WSB2: variants seen among roughly 807,000 people sequenced by gnomAD.
WSB2 encodes the protein WD repeat and SOCS box containing 2, also known as WD repeat and SOCS box-containing protein 2.
In WSB2, 12 loss-of-function variants were observed where a neutral mutation model predicts 48.8. That is an observed-to-expected ratio of 0.25 (90% CI 0.16 to 0.40). WSB2 has a LOEUF of 0.40. Ranked by LOEUF, WSB2 falls within the 10% of genes least tolerant of loss-of-function variation. WSB2 has a pLI of 1.00. For synonymous variants in WSB2, 191 were observed against 203.1 expected (o/e 0.94, Z 0.51); for missense variants, 317 against 506.2 (o/e 0.63, Z 3.59).
intron 2 of WSB2, among the ~76,000 whole-genome samples, chr12:118,044,304 T>C (rs756982128): frequency 3.9e-5 from 6 of 152,094 alleles, no homozygotes; most frequent in Non-Finnish European, 7.4e-5. Flanking sequence ...ACACTCAGTT[T>C]TTCCCATGAG....
chr12:118,036,662 G>A (rs1359692687), intron 5 of WSB2, 152 bp from the exon 6 acceptor site: 16 of 819,274 alleles, frequency 2.0e-5, no homozygotes, highest in South Asian at 9.7e-5. Context: ...AACGTGTGGT[G>A]TAGGTTTAAA....
chr12:118,060,784 G>T lies in WSB2; in HGVS notation c.13+252C>A, dbSNP rs569794123. On this transcript the variant is annotated intron_variant, in intron 1 of 8. Coordinates refer to ENST00000315436, the MANE Select transcript of WSB2 (RefSeq NM_018639.5). The surrounding 1 kb of genome is among the most constrained non-coding windows in gnomAD (Gnocchi z 4.1). ...CCCGGTCGGGGGATCTCCTCCCGCA[G>T]AAGCCCGATCTTCCCGATCCTGTCG... Among the ~76,000 whole-genome samples, 17 of 152,178 alleles carry T rather than the reference G, an allele frequency of 1.1e-4. No individual in the cohort carries two copies. The highest frequency in any genetic ancestry group is 9.2e-4 in the Admixed American group (14 of 15,298).
rs1412648243 is a variant in WSB2, at chr12:118,035,286, A to T, written c.872T>A (p.Val291Asp). The T allele has an allele frequency of 6.2e-7, 1 of 1,614,112 alleles. No homozygotes were observed. Among genetic ancestry groups the T allele is most frequent in the African/African-American group, 1.3e-5 (1 of 74,942 alleles). The change falls in exon 7 of 9, where the codon GTC (valine) becomes GAC (aspartate). Residue 291 changes from valine to aspartate, a missense_variant. By Grantham distance (152) the Val-to-Asp change is radical (BLOSUM62 -3). Transcript: ENST00000315436. ...QVDPAMDDSD[V>D]HISSLRSVCF... is the part of the protein sequence containing the mutation. ...CACAGATCTCAGTGAGCTAATGTGG[A>T]CGTCACTGTCATCCATGGCGGGGTC... is the stretch of plus-strand genomic sequence containing the variant.
intron 2 of WSB2, among the ~76,000 whole-genome samples, chr12:118,051,015 G>A (rs1187419147): frequency 1.3e-5 from 2 of 151,374 alleles, no homozygotes; most frequent in Non-Finnish European, 2.9e-5. Flanking sequence ...TCATGCCACT[G>A]TACTCCAGCC....
Position 118,036,352 on chromosome 12 carries a change from C to G in WSB2, c.819G>C (p.Arg273Ser), listed in dbSNP as rs372181768. The change falls in exon 6 of 9, where the codon AGG becomes AGC. Residue 273 changes from arginine to serine, a missense_variant. Transcript: ENST00000315436. ...VIMWDPYTGE[R>S]LRSLHHTQVD... ...TCAGTCCTTACTGGAGTGACCTCAG[C>G]CTTTCGCCGGTGTAGGGGTCCCACA... is the stretch of plus-strand genomic sequence containing the variant. 5.0e-5 allele frequency: 81 copies of G among 1,613,894 alleles called. No individual in the cohort carries two copies. Among genetic ancestry groups the G allele is most frequent in the Non-Finnish European group, 6.6e-5 (78 of 1,179,942 alleles).
intron 1 of WSB2, among the ~76,000 whole-genome samples, chr12:118,054,063 C>T (rs1330315944): frequency 6.6e-6 from 1 of 151,818 alleles, no homozygotes; most frequent in Non-Finnish European, 1.5e-5. Flanking sequence ...GGTAGAGATG[C>T]ATATGTGTAT....
At chr12:118,056,485 C>T (rs1669637828) in intron 1 of WSB2, among the ~76,000 whole-genome samples, 1 of 152,238 alleles carries the variant, frequency 6.6e-6, no homozygotes, top group Admixed American at 6.5e-5. Context: ...AGGATATCAA[C>T]TCCAGGGAGC....
chr12:118,056,496 A>G (rs1323878360), intron 1 of WSB2, among the ~76,000 whole-genome samples: 1 of 152,212 alleles, frequency 6.6e-6, no homozygotes, highest in East Asian at 1.9e-4. Flanking sequence ...TCCAGGGAGC[A>G]AGAACTTTGT....
rs762917493 is a variant in WSB2, at chr12:118,052,298, G to A, written c.182+12C>T. 1.1e-5 allele frequency: 18 copies of A among 1,610,792 alleles called. No homozygotes were observed. Among genetic ancestry groups the A allele is most frequent in the Admixed American group, 3.3e-5 (2 of 59,920 alleles). ...AATGCGCCGGATGGGGCCCCAGTACGAGAATACTTACAACTGCTCCTCCAA... is the reference window on the plus strand; with the variant it reads ...AATGCGCCGGATGGGGCCCCAGTACAAGAATACTTACAACTGCTCCTCCAA... On this transcript the variant is annotated intron_variant, in intron 2 of 8. Coordinates refer to ENST00000315436, the MANE Select transcript of WSB2 (RefSeq NM_018639.5).
upstream of WSB2, among the ~76,000 whole-genome samples, chr12:118,061,433 G>C (rs1190983915): frequency 1.3e-5 from 2 of 150,838 alleles, no homozygotes; most frequent in African/African-American, 2.4e-5. Context: ...GGGCGCGAAC[G>C]GGATAAAACC....
At chr12:118,039,134 T>C (rs1168016666) in intron 4 of WSB2, among the ~76,000 whole-genome samples, 1 of 152,164 alleles carries the variant, frequency 6.6e-6, no homozygotes, top group Non-Finnish European at 1.5e-5. Flanking sequence ...CTCCAGACTG[T>C]CACCCTCCCA....
intron 2 of WSB2, among the ~76,000 whole-genome samples, chr12:118,044,049 G>T (rs1221525414): frequency 6.6e-6 from 1 of 151,928 alleles, no homozygotes; most frequent in Non-Finnish European, 1.5e-5. Flanking sequence ...AACCCAGTGG[G>T]TGGAGGTTGC....
In WSB2 at chr12:118,034,890, T is replaced by C. The variant is rs79381352; in HGVS notation, c.1052+96A>G. On this transcript the variant is annotated intron_variant, in intron 8 of 8. Coordinates refer to ENST00000315436, the MANE Select transcript of WSB2 (RefSeq NM_018639.5). The stretch of plus-strand genomic sequence containing the variant: ...TTGAATTGCCTTAAAGCTTTCCTCA[T>C]AGGCAAGAAAATTCTAGATGGTTTC... 8,101 of 1,212,610 alleles carry C rather than the reference T, an allele frequency of 6.7e-3. 403 individuals carry two copies. The African/African-American group carries it at 0.11, about 17-fold the overall frequency. 75.1% of individuals were successfully genotyped at this position (1,212,610 alleles called of 1,614,324 possible). A position where few individuals can be genotyped will look rare whatever the true frequency, so the allele number is the denominator to read the frequency against.
chr12:118,054,247 C>T (rs1287679884), intron 1 of WSB2, among the ~76,000 whole-genome samples: 1 of 142,696 alleles, frequency 7.0e-6, no homozygotes, highest in African/African-American at 2.6e-5. Context: ...AAAAATTAGC[C>T]AGACATGGTG....
chr12:118,040,751 A>T (rs1010137100), intron 4 of WSB2, among the ~76,000 whole-genome samples: 1 of 152,032 alleles, frequency 6.6e-6, no homozygotes, highest in Non-Finnish European at 1.5e-5. Context: ...TACTGGGCAG[A>T]AACCACCTAG....
chr12:118,057,423 C>T (rs1045307194), intron 1 of WSB2, among the ~76,000 whole-genome samples: 7 of 151,902 alleles, frequency 4.6e-5, no homozygotes, highest in African/African-American at 7.3e-5. Context: ...TACAGGCATG[C>T]GCCACCACAC....
chr12:118,061,390 C>G (rs2032063532), upstream of WSB2, among the ~76,000 whole-genome samples: 1 of 15,230 alleles, frequency 6.6e-5, no homozygotes, highest in Non-Finnish European at 1.3e-4. Flanking sequence ...AAAAATGGGG[C>G]AGGGGTGGGG....
At chr12:118,048,929 T>G (rs58958096) in intron 2 of WSB2, among the ~76,000 whole-genome samples, 1,970 of 152,230 alleles carry the variant, frequency 0.013, 41 homozygotes, top group African/African-American at 0.045. Context: ...ACAGTGCCCT[T>G]AGGGAGATGC....
upstream of WSB2, among the ~76,000 whole-genome samples, chr12:118,061,450 T>C (rs112890460): frequency 0.011 from 1,605 of 145,988 alleles, 29 homozygotes; most frequent in African/African-American, 0.04. Flanking sequence ...AACCCAGGGG[T>C]TGTGCGGGGT....
Sources: allele counts gnomAD v4.1 joint callset (sites outside exome capture counted in the v4.1 genomes callset), GRCh38; gene constraint gnomAD v4.1.1; non-coding constraint Gnocchi (gnomAD v3.1); transcripts MANE v1.5; gene names NCBI Gene and HGNC (gene_info 2026-07-23, HGNC 2026-07-21).